SGIP1: variants seen among roughly 807,000 people sequenced by gnomAD.
The protein encoded by SGIP1 is SH3GL interacting endocytic adaptor 1, also known as SH3-containing GRB2-like protein 3-interacting protein 1.
In SGIP1, 38 loss-of-function variants were observed where a neutral mutation model predicts 107.5. The ratio of observed to expected loss-of-function variants is 0.35; its 90% CI spans 0.27 to 0.46. The LOEUF is 0.46. Ranked by LOEUF, SGIP1 falls within the 20% of genes least tolerant of loss-of-function variation. SGIP1 has a pLI of 1.00. For missense variants in SGIP1, 929 were observed against 1,019.5 expected (o/e 0.91, Z 1.21); for synonymous variants, 365 against 366.1 (o/e 1.00, Z 0.03).
intron 8 of SGIP1, among the ~76,000 whole-genome samples, chr1:66,663,080 A>C (rs984665150): frequency 6.6e-6 from 1 of 151,988 alleles, no homozygotes; most frequent in Non-Finnish European, 1.5e-5. Context: ...AAAAAAAAAA[A>C]TCTGGATGCT....
At chr1:66,546,302 C>T (rs762134402) in intron 1 of SGIP1, among the ~76,000 whole-genome samples, 19 of 152,206 alleles carry the variant, frequency 1.2e-4, no homozygotes, top group Non-Finnish European at 2.6e-4. Flanking sequence ...TAGTATCTCA[C>T]ATATGTCTGC....
At chr1:66,660,362 T>A in intron 7 of SGIP1, 151 bp from the exon 8 acceptor site, 1 of 711,608 alleles carries the variant, frequency 1.4e-6, no homozygotes. Flanking sequence ...AATGACCATA[T>A]CAGACCCCCA....
intron 19 of SGIP1, among the ~76,000 whole-genome samples, chr1:66,723,865 C>T (rs577322646): frequency 7.2e-5 from 11 of 152,310 alleles, no homozygotes; most frequent in African/African-American, 2.6e-4. Context: ...GAAACTGCAA[C>T]ATAATTTCCT....
At chr1:66,650,369 CA>C (rs1467285432) in intron 7 of SGIP1, among the ~76,000 whole-genome samples, 1 of 152,178 alleles carries the variant, frequency 6.6e-6, no homozygotes, top group African/African-American at 2.4e-5. Flanking sequence ...ACTCCCCCTT[CA>C]AATCATTTCA....
At chr1:66,672,085 T>A in intron 11 of SGIP1, 90 bp downstream of exon 11, 1 of 1,213,018 alleles carries the variant, frequency 8.2e-7, no homozygotes, top group Non-Finnish European at 1.2e-6. Flanking sequence ...AACTCTCAGC[T>A]CCCATTAACA....
chr1:66,747,242 G>A lies in SGIP1; in HGVS notation c.*4147G>A, dbSNP rs1384747064. On this transcript the variant is annotated 3_prime_UTR_variant, in exon 25 of 25. Transcript: ENST00000371037. Reference sequence around the variant, plus strand: ...ATTTTGATAAGTGCTCCAAATTTGAGAATCATTGCTCTAGTAGATCTCTAA... The same window carrying A: ...ATTTTGATAAGTGCTCCAAATTTGAAAATCATTGCTCTAGTAGATCTCTAA... 1 of 152,066 alleles carries A rather than the reference G, an allele frequency of 6.6e-6. No individual in the cohort carries two copies. The highest frequency in any genetic ancestry group is 1.5e-5 in the Non-Finnish European group (1 of 67,916). 9.4% of individuals were successfully genotyped at this position (152,066 alleles called of 1,614,324 possible).
rs552604528 is a variant in SGIP1, at chr1:66,695,016, A to C, written c.1571-418A>C. 3.6e-5 allele frequency: 11 copies of C among 308,336 alleles called. No individual in the cohort carries two copies. The South Asian group carries it at 5.0e-4, about 14-fold the overall frequency. 19.1% of individuals were successfully genotyped at this position (308,336 alleles called of 1,614,324 possible). ...CCTAAGCTAATGTTTTCTACAATCC[A>C]TAACTCTGAGTTTATCTTTTTGGAA... On this transcript the variant is annotated intron_variant, in intron 17 of 24. Coordinates refer to ENST00000371037, the MANE Select transcript of SGIP1 (RefSeq NM_032291.4).
At chr1:66,660,160 A>G (rs1421952627) in intron 7 of SGIP1, 1 of 99,312 alleles carries the variant, frequency 1.0e-5, no homozygotes, top group African/African-American at 5.7e-5. Flanking sequence ...AGAAAGAAAG[A>G]AAGAAAGAAA....
rs779258770 is a variant in SGIP1, at chr1:66,673,272, G to C, written c.561-9G>C. ...TTCCCTGTATTTTGCCTTAATGTGT[G>C]TGATTTAGCAAAAAGCCTCCAGATG... is the stretch of plus-strand genomic sequence containing the variant. On this transcript the variant is annotated splice_polypyrimidine_tract_variant and intron_variant, in intron 11 of 24. Coordinates refer to ENST00000371037, the MANE Select transcript of SGIP1 (RefSeq NM_032291.4). 5.6e-6 allele frequency: 9 copies of C among 1,613,722 alleles called. No homozygotes were observed. The Admixed American group carries it at 1.2e-4, about 21-fold the overall frequency.
intron 15 of SGIP1, chr1:66,684,014 G>T: frequency 6.6e-7 from 1 of 1,514,510 alleles, no homozygotes; most frequent in East Asian, 2.5e-5. Context: ...ACCGCGCCCA[G>T]CCCTAAATGC....
chr1:66,673,759 C>T (rs2084466354), intron 12 of SGIP1, among the ~76,000 whole-genome samples: 2 of 152,098 alleles, frequency 1.3e-5, no homozygotes, highest in Non-Finnish European at 2.9e-5. Flanking sequence ...TGGGGTGTGG[C>T]CTCCCTGACC....
At chr1:66,556,546 C>A (rs909573350) in intron 1 of SGIP1, among the ~76,000 whole-genome samples, 1 of 152,038 alleles carries the variant, frequency 6.6e-6, no homozygotes, top group Non-Finnish European at 1.5e-5. Flanking sequence ...TGCAATGGAG[C>A]TGGAGGAGGG....
chr1:66,538,223 C>A (rs1395314415), intron 1 of SGIP1, among the ~76,000 whole-genome samples: 1 of 152,064 alleles, frequency 6.6e-6, no homozygotes, highest in Non-Finnish European at 1.5e-5. Flanking sequence ...CAGAAAAGAG[C>A]AAGACATCTT....
intron 18 of SGIP1, among the ~76,000 whole-genome samples, chr1:66,705,617 A>G (rs956045882): frequency 1.3e-5 from 2 of 152,134 alleles, no homozygotes; most frequent in Non-Finnish European, 2.9e-5. Flanking sequence ...GCAGGCAAAC[A>G]ATGGCAGACT....
chr1:66,585,952 G>A (rs1230903965), intron 1 of SGIP1, among the ~76,000 whole-genome samples: 1 of 152,168 alleles, frequency 6.6e-6, no homozygotes, highest in African/African-American at 2.4e-5. Flanking sequence ...TGAGAAAGAG[G>A]TCTTAAAGTC....
chr1:66,560,500 T>C (rs949617228), intron 1 of SGIP1, among the ~76,000 whole-genome samples: 5 of 152,026 alleles, frequency 3.3e-5, no homozygotes, highest in Admixed American at 3.3e-4. Context: ...AATTTTACAG[T>C]AAGCAATTAT....
chr1:66,554,072 C>G (rs1421930982), intron 1 of SGIP1, among the ~76,000 whole-genome samples: 2 of 152,108 alleles, frequency 1.3e-5, no homozygotes, highest in African/African-American at 4.8e-5. Context: ...GTCTCCTGTA[C>G]CAACCAAACA....
intron 1 of SGIP1, among the ~76,000 whole-genome samples, chr1:66,560,722 A>G (rs2058809980): frequency 6.6e-6 from 1 of 152,080 alleles, no homozygotes; most frequent in African/African-American, 2.4e-5. Context: ...TTAAAAAAAG[A>G]AAGCAGGACA....
chr1:66,639,926 A>G, intron 5 of SGIP1, 93 bp downstream of exon 5: 1 of 975,134 alleles, frequency 1.0e-6, no homozygotes. Flanking sequence ...AAATAAGCGA[A>G]ATGCTCTCCA....
Sources: allele counts gnomAD v4.1 joint callset (sites outside exome capture counted in the v4.1 genomes callset), GRCh38; gene constraint gnomAD v4.1.1; transcripts MANE v1.5; gene names NCBI Gene and HGNC (gene_info 2026-07-23, HGNC 2026-07-21).